The following RPSA2 variants were observed in gnomAD, a reference collection of about 807,000 sequenced individuals.
The protein encoded by RPSA2 is ribosomal protein SA 2, also known as small ribosomal subunit protein uS2B.
the RPSA2 span, among the ~76,000 whole-genome samples, chr19:23,778,009 T>G: frequency 9.9e-5 from 15 of 152,190 alleles, no homozygotes; most frequent in East Asian, 2.9e-3. Flanking sequence ...TGTCTCTTCT[T>G]CGTAGATTCT....
the RPSA2 span, chr19:23,819,113 A>G: frequency 1.3e-5 from 2 of 152,220 alleles, no homozygotes; most frequent in East Asian, 1.9e-4. Flanking sequence ...CAACAGGACA[A>G]TAGTAAAACA....
chr19:23,853,766 A>G, the RPSA2 span, among the ~76,000 whole-genome samples: 1 of 152,214 alleles, frequency 6.6e-6, no homozygotes, highest in Non-Finnish European at 1.5e-5. Context: ...GGGGATTGGC[A>G]TGATATAAGG....
chr19:23,843,380 G>A, the RPSA2 span: 1 of 154,706 alleles, frequency 6.5e-6, no homozygotes, highest in Admixed American at 6.5e-5. Context: ...TCAATGGAAA[G>A]GTTCCTAAAA....
At chr19:23,828,003 C>G in the RPSA2 span, 4 of 788,184 alleles carry the variant, frequency 5.1e-6, no homozygotes, top group East Asian at 8.0e-5. Flanking sequence ...GCAGCTCCCA[C>G]TGCTCAGGCC....
At chr19:23,761,927 TTTTTTTTTGA>T in the RPSA2 span, among the ~76,000 whole-genome samples, 8 of 62,390 alleles carry the variant, frequency 1.3e-4, no homozygotes, top group East Asian at 2.4e-3. Context: ...TTTCTTTTTT[TTTTTTTTTGA>T]GATGGAGTCT....
the RPSA2 span, among the ~76,000 whole-genome samples, chr19:23,801,444 T>C: frequency 1.3e-5 from 2 of 152,164 alleles, no homozygotes; most frequent in Non-Finnish European, 2.9e-5. Context: ...GGCTTCACCA[T>C]GTTGGCCAGT....
chr19:23,763,582 C>T, the RPSA2 span, among the ~76,000 whole-genome samples: 122 of 152,256 alleles, frequency 8.0e-4, no homozygotes, highest in African/African-American at 2.9e-3. Context: ...GATTCTCGTG[C>T]CTCCGCCTCC....
the RPSA2 span, among the ~76,000 whole-genome samples, chr19:23,777,140 G>A: frequency 7.2e-5 from 11 of 152,006 alleles, no homozygotes; most frequent in Non-Finnish European, 1.2e-4. Flanking sequence ...TTTCACAAGG[G>A]GCATTGTGAC....
At chr19:23,787,117 A>G in the RPSA2 span, among the ~76,000 whole-genome samples, 1 of 152,050 alleles carries the variant, frequency 6.6e-6, no homozygotes, top group East Asian at 1.9e-4. Context: ...CCCAGCACCT[A>G]GCTTATGTGA....
the RPSA2 span, among the ~76,000 whole-genome samples, chr19:23,826,175 T>G: frequency 2.6e-5 from 4 of 151,842 alleles, no homozygotes; most frequent in Admixed American, 2.6e-4. Context: ...GTACTAATTT[T>G]TAATTTTTTC....
At chr19:23,838,891 G>A in the RPSA2 span, among the ~76,000 whole-genome samples, 2 of 152,082 alleles carry the variant, frequency 1.3e-5, no homozygotes, top group Admixed American at 6.6e-5. Flanking sequence ...TTTCTGAGAA[G>A]CAGCTCTTTG....
At chr19:23,784,234 A>G in the RPSA2 span, among the ~76,000 whole-genome samples, 3 of 152,240 alleles carry the variant, frequency 2.0e-5, no homozygotes, top group African/African-American at 7.2e-5. Context: ...ACATCTGTAA[A>G]GCCCTAGTGT....
the RPSA2 span, among the ~76,000 whole-genome samples, chr19:23,841,477 A>G: frequency 6.6e-6 from 1 of 152,312 alleles, no homozygotes; most frequent in South Asian, 2.1e-4. Context: ...AAACAAAACA[A>G]AAACCTGTAT....
At chr19:23,797,371 G>A in the RPSA2 span, among the ~76,000 whole-genome samples, 2 of 152,252 alleles carry the variant, frequency 1.3e-5, no homozygotes, top group South Asian at 2.1e-4. Flanking sequence ...GCCTCCCAAA[G>A]TGCTGGGATT....
the RPSA2 span, among the ~76,000 whole-genome samples, chr19:23,773,267 G>GAT: frequency 3.5e-4 from 52 of 148,268 alleles, no homozygotes; most frequent in African/African-American, 1.3e-3. Flanking sequence ...TGGCTAATTT[G>GAT]ATATATATAT....
the RPSA2 span, among the ~76,000 whole-genome samples, chr19:23,764,025 G>A: frequency 1.3e-5 from 2 of 152,024 alleles, no homozygotes; most frequent in South Asian, 4.2e-4. Context: ...GTTTATGATT[G>A]GTTAATAAAA....
At chr19:23,779,769 T>C in the RPSA2 span, among the ~76,000 whole-genome samples, 1 of 152,206 alleles carries the variant, frequency 6.6e-6, no homozygotes, top group Non-Finnish European at 1.5e-5. Context: ...AAAGATGTGA[T>C]GCCTTTTCTA....
At chr19:23,776,199 G>GT in the RPSA2 span, among the ~76,000 whole-genome samples, 1 of 152,330 alleles carries the variant, frequency 6.6e-6, no homozygotes, top group East Asian at 1.9e-4. Flanking sequence ...ACGTGTGACT[G>GT]TGACAGATGC....
At chr19:23,788,838 T>C in the RPSA2 span, among the ~76,000 whole-genome samples, 2 of 152,246 alleles carry the variant, frequency 1.3e-5, no homozygotes, top group South Asian at 2.1e-4. Context: ...GAAATATGAC[T>C]GTCCTCGCCT....
Sources: allele counts gnomAD v4.1 joint callset (sites outside exome capture counted in the v4.1 genomes callset), GRCh38; gene constraint gnomAD v4.1.1; transcripts MANE v1.5; gene names NCBI Gene and HGNC (gene_info 2026-07-23, HGNC 2026-07-21).